The following TCF4 variants were observed in gnomAD, a reference collection of about 807,000 sequenced individuals.
TCF4 encodes SL3-3 enhancer factor 2.
TCF4 carries 3 observed loss-of-function variants against 82.1 expected under a neutral mutation model. That is an observed-to-expected ratio of 0.04 (90% CI 0.02 to 0.09). The LOEUF is 0.09. Ranked by LOEUF, TCF4 falls within the 10% of genes least tolerant of loss-of-function variation. The probability of loss-of-function intolerance (pLI) is 1.00; values close to 1 mark genes in which losing one functional copy is unlikely to be tolerated. For missense variants in TCF4, 518 were observed against 852.7 expected (o/e 0.61, Z 4.89); for synonymous variants, 276 against 309.6 (o/e 0.89, Z 1.14).
intron 3 of TCF4, among the ~76,000 whole-genome samples, chr18:55,518,805 A>G (rs1250434775): frequency 6.6e-6 from 1 of 152,192 alleles, no homozygotes; most frequent in Non-Finnish European, 1.5e-5. Context: ...AAGAGAATAA[A>G]GAAGTGTGAC....
intron 5 of TCF4, among the ~76,000 whole-genome samples, chr18:55,441,763 G>A (rs1193557423): frequency 1.3e-5 from 2 of 152,110 alleles, no homozygotes; most frequent in African/African-American, 4.8e-5. Context: ...CCTTCAATGT[G>A]GATTAGACTA....
chr18:55,445,369 A>T (rs1026453691), intron 5 of TCF4, among the ~76,000 whole-genome samples: 1 of 152,096 alleles, frequency 6.6e-6, no homozygotes, highest in African/African-American at 2.4e-5. Context: ...TATAAAGAAA[A>T]GGGGGTTTAA....
At chr18:55,349,450 TTTATA>T (rs1333781334) in intron 8 of TCF4, among the ~76,000 whole-genome samples, 1 of 152,148 alleles carries the variant, frequency 6.6e-6, no homozygotes, top group African/African-American at 2.4e-5. Context: ...TAAATATGAT[TTTATA>T]TTAAAGTATA....
At chr18:55,564,871 C>A (rs183744437) in intron 3 of TCF4, among the ~76,000 whole-genome samples, 2 of 152,288 alleles carry the variant, frequency 1.3e-5, no homozygotes, top group East Asian at 3.9e-4. Flanking sequence ...CTCCCAACAA[C>A]CCTATTTCTA....
rs1011862682 is a variant in TCF4, at chr18:55,374,215, G to A, written c.370-23212C>T. Among the ~76,000 whole-genome samples the A allele has an allele frequency of 2.0e-5, 3 of 151,114 alleles. No homozygotes were observed. In the South Asian group the frequency reaches 6.2e-4, roughly 31 times the overall value. The stretch of plus-strand genomic sequence containing the variant: ...CAAGATGTAAAAATAAAAATTAAAT[G>A]AACAAAACATACAATATAAAAAGCT... On this transcript the variant is annotated intron_variant, in intron 6 of 19. Transcript: ENST00000354452.
rs182592146 is a variant in TCF4 at position 55,459,083 on chromosome 18, A to C, written c.304+1936T>G. Among the ~76,000 whole-genome samples, 349 of 152,310 alleles carry C rather than the reference A, an allele frequency of 2.3e-3. 3 individuals carry two copies. Among genetic ancestry groups the C allele is most frequent in the African/African-American group, 7.7e-3 (319 of 41,572 alleles). ...GGAACAGTGGGTGGGGGCCTCGTGG[A>C]CATAGTAGCATTTCCTATCACAATG... is the stretch of plus-strand genomic sequence containing the variant. On this transcript the variant is annotated intron_variant, in intron 5 of 19. Coordinates refer to ENST00000354452, the MANE Select transcript of TCF4 (RefSeq NM_001083962.2).
At position 55,228,190 on chromosome 18, in the gene TCF4, C is replaced by G. The variant is rs201574270; in HGVS notation, c.*4+31G>C. 3.1e-6 allele frequency: 5 copies of G among 1,613,642 alleles called. No individual in the cohort carries two copies. The South Asian group carries it at 5.5e-5, about 18-fold the overall frequency. On this transcript the variant is annotated intron_variant, in intron 19 of 19. Transcript: ENST00000354452. ...TACACTGATGAGAGTTTTGAATGAT[C>G]GATCTCAGAAATGGCTGAAAACAAA...
At chr18:55,228,067 A>T in intron 19 of TCF4, 37 bp from the exon 20 acceptor site, 1 of 949,276 alleles carries the variant, frequency 1.1e-6, no homozygotes, top group Non-Finnish European at 1.5e-6. Flanking sequence ...ATTCATTAAT[A>T]TATTTGTAAC....
At chr18:55,590,884 T>G (rs2097684138), upstream of TCF4, among the ~76,000 whole-genome samples, 1 of 152,216 alleles carries the variant, frequency 6.6e-6, no homozygotes. Context: ...CAAGTAAAAT[T>G]GAGTAGCTTG....
intron 11 of TCF4, chr18:55,265,820 A>T (rs2059043369): frequency 6.6e-6 from 1 of 152,202 alleles, no homozygotes; most frequent in Non-Finnish European, 1.5e-5. Context: ...CCAGATAGAT[A>T]TTCCAGGGTA....
At chr18:55,465,681 C>T (rs935804540) in intron 3 of TCF4, among the ~76,000 whole-genome samples, 2 of 152,232 alleles carry the variant, frequency 1.3e-5, no homozygotes, top group South Asian at 4.1e-4. Context: ...ACTTACAACC[C>T]TCTGGGATTC....
At chr18:55,471,098 A>C (rs1234134930) in intron 3 of TCF4, among the ~76,000 whole-genome samples, 1 of 152,204 alleles carries the variant, frequency 6.6e-6, no homozygotes, top group Non-Finnish European at 1.5e-5. Context: ...AAAATATTTC[A>C]TCAGCAAAGA....
At chr18:55,424,039 C>T (rs2094885589) in intron 5 of TCF4, among the ~76,000 whole-genome samples, 1 of 152,118 alleles carries the variant, frequency 6.6e-6, no homozygotes, top group Non-Finnish European at 1.5e-5. Flanking sequence ...CTTTTCTAAC[C>T]ATCATTACGC....
intron 6 of TCF4, among the ~76,000 whole-genome samples, chr18:55,368,652 A>G (rs2087973125): frequency 6.6e-6 from 1 of 152,232 alleles, no homozygotes. Flanking sequence ...AGAACAGATG[A>G]ACATGGTGTA....
intron 2 of TCF4, among the ~76,000 whole-genome samples, chr18:55,602,248 C>T (rs1372833141): frequency 6.6e-6 from 1 of 152,208 alleles, no homozygotes; most frequent in Non-Finnish European, 1.5e-5. Context: ...AATTAAGTAA[C>T]TTGCTCAAGA....
intron 8 of TCF4, among the ~76,000 whole-genome samples, chr18:55,305,296 A>T (rs1297717860): frequency 6.6e-6 from 1 of 152,178 alleles, no homozygotes; most frequent in Non-Finnish European, 1.5e-5. Flanking sequence ...TTTAATTTTA[A>T]TTATTGATTA....
chr18:55,465,584 G>C (rs1262937416), intron 3 of TCF4, among the ~76,000 whole-genome samples: 1 of 152,054 alleles, frequency 6.6e-6, no homozygotes, highest in Admixed American at 6.6e-5. Context: ...TAGAGAAAAG[G>C]TGTAAAACCT....
chr18:55,295,121 T>C (rs888365538), intron 8 of TCF4, among the ~76,000 whole-genome samples: 2 of 152,130 alleles, frequency 1.3e-5, no homozygotes, highest in African/African-American at 4.8e-5. Flanking sequence ...CTTGAAAAAC[T>C]CTCCCATTTC....
rs549370999 is a variant in TCF4, at chr18:55,340,123, C to T, written c.549+10236G>A. ...TGCATCACTTGGGCAGACCCGTTCC[C>T]GGCCTATTAGAGAATACCACTGACA... On this transcript the variant is annotated intron_variant, in intron 8 of 19. Coordinates refer to ENST00000354452, the MANE Select transcript of TCF4 (RefSeq NM_001083962.2). Among the ~76,000 whole-genome samples the T allele has an allele frequency of 1.8e-4, 28 of 152,226 alleles. No individual in the cohort carries two copies. In the East Asian group the frequency reaches 3.9e-3, roughly 21 times the overall value.
Sources: gnomAD v4.1 joint callset for allele counts (sites outside exome capture counted in the v4.1 genomes callset) on GRCh38, gnomAD v4.1.1 for gene constraint, MANE v1.5 for transcripts, NCBI Gene and HGNC (gene_info 2026-07-23, HGNC 2026-07-21) for gene names.